The following PDE3A variants were observed in gnomAD, a reference collection of about 807,000 sequenced individuals.
PDE3A encodes cGMP-inhibited 3',5'-cyclic phosphodiesterase 3A.
A neutral mutation model predicts 98.3 loss-of-function variants in PDE3A; 43 were observed. The ratio of observed to expected loss-of-function variants is 0.44; its 90% confidence interval spans 0.34 to 0.56. The LOEUF (loss-of-function observed/expected upper bound fraction) is 0.56. Among genes scored for constraint, PDE3A ranks in the 20% least tolerant of loss-of-function variants. The probability of loss-of-function intolerance (pLI) is 0.01; values close to 1 mark genes in which losing one functional copy is unlikely to be tolerated. For missense variants in PDE3A, 1,427 were observed against 1,440.7 expected, an observed-to-expected ratio of 0.99 and a Z score of 0.15; for synonymous variants, 663 against 567.9, an observed-to-expected ratio of 1.17 and a Z score of -2.38.
intron 1 of PDE3A, among the ~76,000 whole-genome samples, chr12:20,554,296 C>G (rs1488534614): frequency 1.3e-5 from 2 of 149,420 alleles, no homozygotes; most frequent in Non-Finnish European, 3.0e-5. Flanking sequence ...TTTGTGTAGG[C>G]TTTTTCTAAA....
In PDE3A at chr12:20,470,064, CT is replaced by C. The variant is rs201439663; in HGVS notation, c.961-86586del. ...GTCTTCCTGGAAATCATATTTTAAT[CT>C]TTTTTTTTTCTGTTTTTTTTTCCTA... On this transcript the variant is annotated intron_variant, in intron 1 of 15. Transcript: ENST00000359062. 6.2e-3 allele frequency among the ~76,000 whole-genome samples: 926 copies of C among 148,798 alleles called. 11 individuals carry two copies. Among genetic ancestry groups the C allele is most frequent in the African/African-American group, 0.021 (854 of 40,626 alleles).
chr12:20,593,839 T>C (rs1379510850), intron 2 of PDE3A, among the ~76,000 whole-genome samples: 1 of 152,076 alleles, frequency 6.6e-6, no homozygotes, highest in Non-Finnish European at 1.5e-5. Flanking sequence ...TAGCGGGTAC[T>C]GTATTCATTA....
chr12:20,484,775 T>C (rs1344531501), intron 1 of PDE3A, among the ~76,000 whole-genome samples: 1 of 152,194 alleles, frequency 6.6e-6, no homozygotes, highest in Non-Finnish European at 1.5e-5. Flanking sequence ...TAAGGGAACA[T>C]AACTAATAAT....
intron 1 of PDE3A, among the ~76,000 whole-genome samples, chr12:20,517,471 T>G (rs1946344199): frequency 6.6e-6 from 1 of 152,172 alleles, no homozygotes; most frequent in South Asian, 2.1e-4. Context: ...ATTCAGAATG[T>G]TTTTTCTCCG....
intron 1 of PDE3A, among the ~76,000 whole-genome samples, chr12:20,405,767 T>C (rs1336524961): frequency 6.6e-6 from 1 of 152,150 alleles, no homozygotes; most frequent in Non-Finnish European, 1.5e-5. Flanking sequence ...TCTGCTCTCT[T>C]AGCAAACTTT....
chr12:20,556,782 A>C, intron 2 of PDE3A, 72 bp downstream of exon 2: 15 of 1,085,644 alleles, frequency 1.4e-5, no homozygotes, highest in Non-Finnish European at 2.1e-5. Flanking sequence ...TCTAAAACTC[A>C]AGAGATAATA....
Position 20,603,435 on chromosome 12 carries a change from G to A in PDE3A, c.1012-10008G>A, listed in dbSNP as rs1385939427. Among the ~76,000 whole-genome samples the A allele has an allele frequency of 4.6e-5, 7 of 152,248 alleles. No individual in the cohort carries two copies. The East Asian group carries it at 1.3e-3, about 29-fold the overall frequency. On this transcript the variant is annotated intron_variant, in intron 2 of 15. Transcript: ENST00000359062. ...GGACTTCTGTACAATCACTTTTTAA[G>A]AACTTAAAATTAAAATCAGGACTAT...
chr12:20,588,978 A>G (rs958149768), intron 2 of PDE3A, among the ~76,000 whole-genome samples: 4 of 152,178 alleles, frequency 2.6e-5, no homozygotes, highest in African/African-American at 9.7e-5. Flanking sequence ...GCTGGAGTGT[A>G]GTGGCGCCAT....
chr12:20,440,258 C>A (rs1316671250), intron 1 of PDE3A, among the ~76,000 whole-genome samples: 1 of 151,912 alleles, frequency 6.6e-6, no homozygotes, highest in Non-Finnish European at 1.5e-5. Flanking sequence ...TTTTGGCCCC[C>A]AAAAGACTTA....
At chr12:20,422,581 A>G (rs1944537974) in intron 1 of PDE3A, among the ~76,000 whole-genome samples, 1 of 152,182 alleles carries the variant, frequency 6.6e-6, no homozygotes, top group South Asian at 2.1e-4. Flanking sequence ...TGTTTTAGAA[A>G]ATATTCTCTA....
chr12:20,658,960 T>G (rs1252160757), intron 15 of PDE3A, among the ~76,000 whole-genome samples: 1 of 152,094 alleles, frequency 6.6e-6, no homozygotes, highest in East Asian at 1.9e-4. Context: ...GGCAAGCCCA[T>G]CTTGGTCACA....
At position 20,682,121 on chromosome 12, in the gene PDE3A, A is replaced by G. The variant is rs1945803444; in HGVS notation, c.*1850A>G. On this transcript the variant is annotated 3_prime_UTR_variant, in exon 16 of 16. Coordinates refer to ENST00000359062, the MANE Select transcript of PDE3A (RefSeq NM_000921.5). ...ATGCTGCAAAGCATGTTTTTTCACTAGTAACTTTTGCTAACTGAATGAATT... is the reference window on the plus strand; with the variant it reads ...ATGCTGCAAAGCATGTTTTTTCACTGGTAACTTTTGCTAACTGAATGAATT... 2 of 152,188 alleles carry G rather than the reference A, an allele frequency of 1.3e-5. No individual in the cohort carries two copies. The highest frequency in any genetic ancestry group is 2.4e-5 in the African/African-American group (1 of 41,454). The allele number at this position is 152,188 out of a possible 1,614,324, so 9.4% of individuals were successfully genotyped here.
chr12:20,492,575 G>A (rs1025377619), intron 1 of PDE3A, among the ~76,000 whole-genome samples: 4 of 152,142 alleles, frequency 2.6e-5, no homozygotes, highest in Non-Finnish European at 5.9e-5. Context: ...CCAAAGGCAC[G>A]AGGAGAGGGA....
chr12:20,567,273 A>G (rs978359319), intron 2 of PDE3A, among the ~76,000 whole-genome samples: 2 of 152,006 alleles, frequency 1.3e-5, no homozygotes, highest in Non-Finnish European at 2.9e-5. Flanking sequence ...TCTTGAGGAA[A>G]TCTGTTAATC....
intron 1 of PDE3A, among the ~76,000 whole-genome samples, chr12:20,493,367 A>T (rs1945861320): frequency 6.6e-6 from 1 of 152,172 alleles, no homozygotes; most frequent in Non-Finnish European, 1.5e-5. Context: ...ACAACAATAA[A>T]ATAATATAAA....
At chr12:20,415,508 G>C (rs1944408336) in intron 1 of PDE3A, among the ~76,000 whole-genome samples, 1 of 151,786 alleles carries the variant, frequency 6.6e-6, no homozygotes, top group Non-Finnish European at 1.5e-5. Flanking sequence ...GCAACCACCA[G>C]CTCACTGCAA....
Position 20,477,642 on chromosome 12 carries a change from G to A in PDE3A, c.961-79018G>A, listed in dbSNP as rs187073368. The stretch of plus-strand genomic sequence containing the variant: ...TCCCTTGAACATAAAAGGGAGTGAA[G>A]GATTTGTATATTTCAAGGTAATTAA... On this transcript the variant is annotated intron_variant, in intron 1 of 15. Transcript: ENST00000359062. Among the ~76,000 whole-genome samples, 12 of 152,148 alleles carry A rather than the reference G, an allele frequency of 7.9e-5. No homozygotes were observed. The East Asian group carries it at 2.3e-3, about 29-fold the overall frequency.
intron 1 of PDE3A, among the ~76,000 whole-genome samples, chr12:20,493,132 G>C (rs966083069): frequency 6.6e-6 from 1 of 152,110 alleles, no homozygotes; most frequent in Non-Finnish European, 1.5e-5. Flanking sequence ...ATTGTTAATA[G>C]TATCATTAAC....
chr12:20,665,768 T>C lies in PDE3A; in HGVS notation c.3184+11563T>C, dbSNP rs140258606. 9.9e-5 allele frequency among the ~76,000 whole-genome samples: 15 copies of C among 152,254 alleles called. No homozygotes were observed. In the East Asian group the frequency reaches 2.1e-3, roughly 22 times the overall value. On this transcript the variant is annotated intron_variant, in intron 15 of 15. Coordinates refer to ENST00000359062, the MANE Select transcript of PDE3A (RefSeq NM_000921.5). ...TCATTTTAGCTATTCCAAGTAGGCATAGAGTGCTCTTATGTTATAGTTTTC... is the reference window on the plus strand; with the variant it reads ...TCATTTTAGCTATTCCAAGTAGGCACAGAGTGCTCTTATGTTATAGTTTTC...
Sources: allele counts gnomAD v4.1 joint callset (sites outside exome capture counted in the v4.1 genomes callset), GRCh38; gene constraint gnomAD v4.1.1; transcripts MANE v1.5; gene names NCBI Gene and HGNC (gene_info 2026-07-23, HGNC 2026-07-21).